The following LRRC4C variants were observed in gnomAD, a reference collection of about 807,000 sequenced individuals.
LRRC4C encodes leucine-rich repeat-containing protein 4C.
Under a neutral mutation model 33.6 loss-of-function variants are expected in LRRC4C, and 5 were observed. The observed-to-expected ratio is 0.15, with a 90% CI of 0.08 to 0.31. The LOEUF (loss-of-function observed/expected upper bound fraction) is 0.31, where lower values mean the gene tolerates loss of function less well. Among genes scored for constraint, LRRC4C ranks in the 10% least tolerant of loss-of-function variants. The pLI is 1.00. For missense variants in LRRC4C, 560 were observed against 796.7 expected (o/e 0.70, Z 3.58); for synonymous variants, 329 against 302.0 (o/e 1.09, Z -0.93).
At chr11:40,998,579 G>T (rs1285450122) in intron 1 of LRRC4C, among the ~76,000 whole-genome samples, 2 of 152,068 alleles carry the variant, frequency 1.3e-5, no homozygotes, top group African/African-American at 2.4e-5. Context: ...TCAAAGTCCT[G>T]ATTAGGCCTA....
At chr11:40,175,145 C>T (rs77537143) in intron 5 of LRRC4C, among the ~76,000 whole-genome samples, 2,302 of 152,290 alleles carry the variant, frequency 0.015, 57 homozygotes, top group African/African-American at 0.051. Flanking sequence ...ACTAACATCA[C>T]GAAGCAGTGG....
intron 1 of LRRC4C, among the ~76,000 whole-genome samples, chr11:41,393,754 G>A (rs1176248760): frequency 6.6e-6 from 1 of 151,856 alleles, no homozygotes; most frequent in African/African-American, 2.4e-5. Flanking sequence ...TATACTTTAT[G>A]CTACAGTATC....
intron 1 of LRRC4C, among the ~76,000 whole-genome samples, chr11:41,149,510 CAAAA>C (rs57914595): frequency 1.4e-4 from 8 of 55,520 alleles, no homozygotes; most frequent in Admixed American, 1.9e-4. Context: ...ACTCCGTCTC[CAAAA>C]AAAAAAAAAA....
intron 1 of LRRC4C, among the ~76,000 whole-genome samples, chr11:41,260,097 T>G (rs953498747): frequency 2.6e-5 from 4 of 152,044 alleles, no homozygotes; most frequent in Admixed American, 2.6e-4. Flanking sequence ...AATGAAAGAA[T>G]TAGGACTTTT....
At chr11:40,676,123 C>A (rs1039071298) in intron 2 of LRRC4C, among the ~76,000 whole-genome samples, 1 of 152,132 alleles carries the variant, frequency 6.6e-6, no homozygotes, top group African/African-American at 2.4e-5. Context: ...GTGACAACTT[C>A]TAAAACCTTG....
At chr11:41,440,543 G>GT (rs1266439224) in intron 1 of LRRC4C, among the ~76,000 whole-genome samples, 41 of 151,394 alleles carry the variant, frequency 2.7e-4, no homozygotes, top group Non-Finnish European at 5.0e-4. Context: ...CACTACATAT[G>GT]TTTTTTTTAA....
At chr11:40,139,186 C>T (rs1857191899) in intron 6 of LRRC4C, among the ~76,000 whole-genome samples, 1 of 151,658 alleles carries the variant, frequency 6.6e-6, no homozygotes, top group South Asian at 2.1e-4. Flanking sequence ...AAGACACATA[C>T]ACAGAGTGCT....
At chr11:40,893,717 T>A (rs548848364) in intron 2 of LRRC4C, among the ~76,000 whole-genome samples, 42 of 152,200 alleles carry the variant, frequency 2.8e-4, no homozygotes, top group Admixed American at 8.5e-4. Flanking sequence ...CACGGAAGAA[T>A]GTCATAGTGT....
rs148061711 is a variant in LRRC4C, at chr11:40,694,189, G to A, written c.-406-45911C>T. Among the ~76,000 whole-genome samples, 210 of 152,130 alleles carry A rather than the reference G, an allele frequency of 1.4e-3. 1 individual carries two copies. Among genetic ancestry groups the A allele is most frequent in the African/African-American group, 4.8e-3 (198 of 41,544 alleles). ...TTAATACCAATAGGTCTTTATCAAA[G>A]GAAATAAAAACAAGAATGTGGTAAA... On this transcript the variant is annotated intron_variant, in intron 2 of 6. Coordinates refer to ENST00000528697, the MANE Select transcript of LRRC4C (RefSeq NM_001258419.2).
intron 1 of LRRC4C, among the ~76,000 whole-genome samples, chr11:41,290,079 A>G (rs567095964): frequency 9.8e-5 from 15 of 152,338 alleles, no homozygotes; most frequent in Non-Finnish European, 1.6e-4. Context: ...TTCCACACAC[A>G]TTTTATAGAT....
chr11:40,164,899 T>C (rs758129961), intron 5 of LRRC4C, among the ~76,000 whole-genome samples: 8 of 152,206 alleles, frequency 5.3e-5, no homozygotes, highest in Non-Finnish European at 8.8e-5. Context: ...CAATAGAGTT[T>C]ATTTAAACAG....
At chr11:40,260,931 A>C (rs1175637619) in intron 4 of LRRC4C, among the ~76,000 whole-genome samples, 1 of 152,108 alleles carries the variant, frequency 6.6e-6, no homozygotes, top group Non-Finnish European at 1.5e-5. Flanking sequence ...CCCAGGCTGG[A>C]GTGCAGCGTT....
intron 2 of LRRC4C, among the ~76,000 whole-genome samples, chr11:40,833,384 G>A (rs1001718811): frequency 6.6e-6 from 1 of 151,986 alleles, no homozygotes; most frequent in African/African-American, 2.4e-5. Flanking sequence ...TTAAAAAAAG[G>A]TAAAATTAAT....
chr11:40,617,297 T>G (rs1051160469), intron 3 of LRRC4C, among the ~76,000 whole-genome samples: 2 of 151,744 alleles, frequency 1.3e-5, no homozygotes, highest in African/African-American at 4.8e-5. Flanking sequence ...ACAAAACACT[T>G]GTATAAAGGA....
chr11:41,458,948 A>T (rs1009399154), intron 1 of LRRC4C, among the ~76,000 whole-genome samples: 2 of 152,020 alleles, frequency 1.3e-5, no homozygotes, highest in African/African-American at 4.8e-5. Flanking sequence ...TAACTATTCA[A>T]GAAGAAAAAA....
intron 1 of LRRC4C, among the ~76,000 whole-genome samples, chr11:41,049,293 A>G (rs564024186): frequency 6.6e-6 from 1 of 152,306 alleles, no homozygotes; most frequent in South Asian, 2.1e-4. Flanking sequence ...GCCTGCCACC[A>G]TGTAAAACAT....
Position 40,640,940 on chromosome 11 carries a change from T to C in LRRC4C, c.-270+7202A>G, listed in dbSNP as rs562194127. Among the ~76,000 whole-genome samples, 8 of 136,352 alleles carry C rather than the reference T, an allele frequency of 5.9e-5. No individual in the cohort carries two copies. The South Asian group carries it at 1.4e-3, about 23-fold the overall frequency. 89.5% of individuals were successfully genotyped at this position (136,352 alleles called of 152,430 possible). ...CTGAGGCAGAAGAATGGCGTGAACC[T>C]GGGAGGCGGAGCTTGCAGTGAGCCT... On this transcript the variant is annotated intron_variant, in intron 3 of 6. Coordinates refer to ENST00000528697, the MANE Select transcript of LRRC4C (RefSeq NM_001258419.2).
intron 1 of LRRC4C, among the ~76,000 whole-genome samples, chr11:41,122,265 C>T (rs1942477069): frequency 2.0e-5 from 3 of 152,044 alleles, no homozygotes; most frequent in Admixed American, 2.0e-4. Flanking sequence ...GTAAAACATA[C>T]TTATTGAACC....
At chr11:40,856,306 T>C (rs529082891) in intron 2 of LRRC4C, among the ~76,000 whole-genome samples, 1 of 152,346 alleles carries the variant, frequency 6.6e-6, no homozygotes, top group South Asian at 2.1e-4. Context: ...GAAATTGTTC[T>C]GTTAACTAGA....
Sources: allele counts gnomAD v4.1 joint callset (sites outside exome capture counted in the v4.1 genomes callset), GRCh38; gene constraint gnomAD v4.1.1; transcripts MANE v1.5; gene names NCBI Gene and HGNC (gene_info 2026-07-23, HGNC 2026-07-21).